MAGI1: variants seen among roughly 807,000 people sequenced by gnomAD.
MAGI1 encodes the protein membrane associated guanylate kinase, WW and PDZ domain containing 1.
Under a neutral mutation model 139.9 loss-of-function variants are expected in MAGI1, and 58 were observed. The ratio of observed to expected loss-of-function variants is 0.41; its 90% confidence interval spans 0.34 to 0.52. The LOEUF (loss-of-function observed/expected upper bound fraction) is 0.52. Ranked by LOEUF, MAGI1 falls within the 20% of genes least tolerant of loss-of-function variation. The pLI is 0.12. For synonymous variants in MAGI1, 812 were observed against 737.9 expected, an observed-to-expected ratio of 1.10 and a Z score of -1.63; for missense variants, 1,874 against 1,901.6, an observed-to-expected ratio of 0.99 and a Z score of 0.27.
chr3:65,464,063 T>A (rs1950003836), intron 5 of MAGI1, among the ~76,000 whole-genome samples: 1 of 152,176 alleles, frequency 6.6e-6, no homozygotes, highest in South Asian at 2.1e-4. Flanking sequence ...CCTCTTATTA[T>A]CTTGAATGAC....
intron 1 of MAGI1, among the ~76,000 whole-genome samples, chr3:65,939,797 G>A (rs557185056): frequency 3.0e-4 from 46 of 152,256 alleles, no homozygotes; most frequent in Non-Finnish European, 5.7e-4. Flanking sequence ...AACAAGGTTT[G>A]GGGAGCAAAG....
chr3:66,019,259 C>A (rs2067837556), intron 1 of MAGI1, among the ~76,000 whole-genome samples: 1 of 152,202 alleles, frequency 6.6e-6, no homozygotes, highest in African/African-American at 2.4e-5. Flanking sequence ...GTTTCCCAAT[C>A]TTGCTGCTAT....
chr3:65,806,170 C>T (rs264080), intron 1 of MAGI1, among the ~76,000 whole-genome samples: 19,766 of 151,998 alleles, frequency 0.13, 1,875 homozygotes, highest in East Asian at 0.42. Context: ...GTGGCTCATG[C>T]CTGTAATCCC....
At chr3:65,547,392 G>T (rs926000362) in intron 2 of MAGI1, among the ~76,000 whole-genome samples, 4 of 152,094 alleles carry the variant, frequency 2.6e-5, no homozygotes, top group Non-Finnish European at 5.9e-5. Context: ...ATTATGAGAT[G>T]GCATTTTATA....
intron 1 of MAGI1, among the ~76,000 whole-genome samples, chr3:65,700,818 T>C (rs1186960199): frequency 3.9e-5 from 6 of 152,184 alleles, no homozygotes; most frequent in Non-Finnish European, 8.8e-5. Context: ...AGCTGTTTCT[T>C]TAATTGCTTC....
intron 1 of MAGI1, among the ~76,000 whole-genome samples, chr3:65,927,298 C>T (rs570125527): frequency 2.0e-5 from 3 of 152,278 alleles, no homozygotes; most frequent in Admixed American, 6.5e-5. Flanking sequence ...AACAACTCTG[C>T]CTTTTCATCT....
At chr3:65,650,716 A>G (rs990450913) in intron 1 of MAGI1, among the ~76,000 whole-genome samples, 1 of 152,220 alleles carries the variant, frequency 6.6e-6, no homozygotes, top group Non-Finnish European at 1.5e-5. Flanking sequence ...CAGCCACATC[A>G]GTGACCTGGG....
intron 1 of MAGI1, among the ~76,000 whole-genome samples, chr3:65,781,257 C>T (rs1327180822): frequency 6.6e-6 from 1 of 152,078 alleles, no homozygotes; most frequent in African/African-American, 2.4e-5. Context: ...ATAGTACCTG[C>T]ACACAGAGCC....
intron 12 of MAGI1, among the ~76,000 whole-genome samples, chr3:65,428,335 A>C (rs1467769554): frequency 2.6e-5 from 4 of 152,156 alleles, no homozygotes; most frequent in Non-Finnish European, 5.9e-5. Flanking sequence ...ATCACATATA[A>C]GTATATATTC....
chr3:65,880,557 A>G (rs1363554918), intron 1 of MAGI1, among the ~76,000 whole-genome samples: 3 of 152,156 alleles, frequency 2.0e-5, no homozygotes, highest in Non-Finnish European at 1.5e-5. Flanking sequence ...ACTGGTCCCA[A>G]AACAAATATC....
intron 1 of MAGI1, among the ~76,000 whole-genome samples, chr3:65,968,158 T>A (rs1036576240): frequency 6.6e-6 from 1 of 152,182 alleles, no homozygotes; most frequent in African/African-American, 2.4e-5. Context: ...TCTTATACAG[T>A]TGGCAAAAGT....
chr3:65,969,134 C>G (rs1364603290), intron 1 of MAGI1, among the ~76,000 whole-genome samples: 2 of 152,178 alleles, frequency 1.3e-5, no homozygotes, highest in African/African-American at 4.8e-5. Context: ...TGAGGCTGGT[C>G]TGGAGAACAA....
intron 1 of MAGI1, among the ~76,000 whole-genome samples, chr3:65,980,142 A>C (rs1358018112): frequency 6.6e-6 from 1 of 152,240 alleles, no homozygotes; most frequent in East Asian, 1.9e-4. Flanking sequence ...CTGGGGCCAA[A>C]AAGTTAGGTG....
chr3:65,786,775 C>A (rs1319425816), intron 1 of MAGI1, among the ~76,000 whole-genome samples: 1 of 152,006 alleles, frequency 6.6e-6, no homozygotes, highest in African/African-American at 2.4e-5. Context: ...CCACGCCTGG[C>A]TAATTTTGTT....
At chr3:65,592,311 T>C (rs2082006095) in intron 2 of MAGI1, among the ~76,000 whole-genome samples, 3 of 151,934 alleles carry the variant, frequency 2.0e-5, no homozygotes, top group Admixed American at 6.6e-5. Context: ...GTAAAGACAA[T>C]AAGAAAAGTC....
chr3:66,016,558 T>C (rs2067649736), intron 1 of MAGI1, among the ~76,000 whole-genome samples: 2 of 152,182 alleles, frequency 1.3e-5, no homozygotes, highest in South Asian at 4.1e-4. Flanking sequence ...TCTGGCAATA[T>C]GTGCCCCAGC....
chr3:65,717,468 A>G (rs779733554), intron 1 of MAGI1: 10 of 152,208 alleles, frequency 6.6e-5, no homozygotes, highest in Non-Finnish European at 1.5e-4. Context: ...CTAGTAATGC[A>G]TCTTGCCTTT....
chr3:65,667,738 AT>A (rs1295362751), intron 1 of MAGI1, among the ~76,000 whole-genome samples: 1 of 151,946 alleles, frequency 6.6e-6, no homozygotes, highest in Non-Finnish European at 1.5e-5. Context: ...TAATATTTGC[AT>A]TTTTTGTAGC....
At chr3:65,920,396 T>A (rs1456062916) in intron 1 of MAGI1, among the ~76,000 whole-genome samples, 1 of 152,190 alleles carries the variant, frequency 6.6e-6, no homozygotes, top group Non-Finnish European at 1.5e-5. Flanking sequence ...GGATCTTCCA[T>A]CAAATTCTGA....
Sources: gnomAD v4.1 joint callset for allele counts (sites outside exome capture counted in the v4.1 genomes callset) on GRCh38, gnomAD v4.1.1 for gene constraint, MANE v1.5 for transcripts, NCBI Gene and HGNC (gene_info 2026-07-23, HGNC 2026-07-21) for gene names.